ELF1: variants seen among roughly 807,000 people sequenced by gnomAD.
The protein encoded by ELF1 is ETS-related transcription factor Elf-1.
In ELF1, 24 loss-of-function variants were observed where a neutral mutation model predicts 59.9. The observed-to-expected ratio is 0.40, with a 90% CI of 0.29 to 0.56. ELF1 has a LOEUF of 0.56. Ranked by LOEUF, ELF1 falls within the 20% of genes least tolerant of loss-of-function variation. The pLI is 0.44. For synonymous variants in ELF1, 248 were observed against 266.2 expected, an observed-to-expected ratio of 0.93 and a Z score of 0.67; for missense variants, 627 against 742.2, an observed-to-expected ratio of 0.84 and a Z score of 1.80.
At chr13:40,993,569 CTCCTGGCCTCAAGT>C (rs991074246) in intron 1 of ELF1, among the ~76,000 whole-genome samples, 72 of 152,316 alleles carry the variant, frequency 4.7e-4, no homozygotes, top group African/African-American at 1.7e-3. Flanking sequence ...TGGCCTCAAA[CTCCTGGCCTCAAGT>C]GATCCTCCCG....
chr13:41,005,344 C>CT (rs1874678974), intron 1 of ELF1, among the ~76,000 whole-genome samples: 1 of 149,212 alleles, frequency 6.7e-6, no homozygotes, highest in Admixed American at 6.8e-5. Context: ...AACCAAGTGT[C>CT]TAAACAACAG....
intron 1 of ELF1, among the ~76,000 whole-genome samples, chr13:41,038,202 G>A (rs1876463351): frequency 6.6e-6 from 1 of 152,062 alleles, no homozygotes; most frequent in African/African-American, 2.4e-5. Flanking sequence ...AATAAAAATG[G>A]AATCAGGCCA....
chr13:41,046,309 G>A (rs897183304), intron 1 of ELF1, among the ~76,000 whole-genome samples: 9 of 152,182 alleles, frequency 5.9e-5, no homozygotes, highest in Non-Finnish European at 1.0e-4. Flanking sequence ...TGTTATGTGT[G>A]AATTTGATCC....
At chr13:40,959,352 T>A (rs1871664942) in intron 2 of ELF1, among the ~76,000 whole-genome samples, 2 of 151,844 alleles carry the variant, frequency 1.3e-5, no homozygotes, top group South Asian at 4.2e-4. Flanking sequence ...AAAAATTAGC[T>A]GGGCACGGTG....
At chr13:41,008,402 C>A (rs1874868212) in intron 1 of ELF1, among the ~76,000 whole-genome samples, 2 of 152,152 alleles carry the variant, frequency 1.3e-5, no homozygotes, top group South Asian at 2.1e-4. Flanking sequence ...AAGCTTTCAA[C>A]TGAAAATCAG....
intron 1 of ELF1, among the ~76,000 whole-genome samples, chr13:40,999,721 G>A (rs558329658): frequency 1.3e-5 from 2 of 152,272 alleles, no homozygotes; most frequent in South Asian, 2.1e-4. Flanking sequence ...CATCACCAAT[G>A]TGTATACTGC....
At position 40,941,214 on chromosome 13, in the gene ELF1, T is replaced by C; in HGVS notation, c.963A>G (p.Ser321=). 1 of 1,614,212 alleles carries C rather than the reference T, an allele frequency of 6.2e-7. No homozygotes were observed. Among genetic ancestry groups the C allele is most frequent in the Non-Finnish European group, 8.5e-7 (1 of 1,180,022 alleles). ...TCGACCGGCTGGTTTGATTCCTATT[T>C]GAAGTGGCTGATGAAGATAGCGATG... is the stretch of plus-strand genomic sequence containing the variant. The part of the protein sequence containing the change: ...SDPSLSSSAT[S]NRNQTSRSRV... Residue 321 remains serine, a synonymous_variant, in exon 8 of 9, where the codon TCA becomes TCG. Coordinates refer to ENST00000239882, the MANE Select transcript of ELF1 (RefSeq NM_172373.4).
intron 1 of ELF1, among the ~76,000 whole-genome samples, chr13:40,983,938 C>G (rs1234160977): frequency 6.6e-6 from 1 of 152,150 alleles, no homozygotes; most frequent in Admixed American, 6.5e-5. Context: ...ATTCAATGCT[C>G]AAGCCCCATT....
intron 2 of ELF1, among the ~76,000 whole-genome samples, chr13:40,964,749 G>A (rs903766235): frequency 1.3e-5 from 2 of 152,068 alleles, no homozygotes; most frequent in Admixed American, 1.3e-4. Context: ...TCCCCAGGCT[G>A]GTCTCGAACT....
intron 3 of ELF1, among the ~76,000 whole-genome samples, chr13:40,952,559 G>A (rs528180950): frequency 3.6e-4 from 54 of 151,926 alleles, no homozygotes; most frequent in African/African-American, 1.2e-3. Flanking sequence ...ACAGGGTCCC[G>A]CTATGTTGCT....
At chr13:40,941,510 AT>A in intron 7 of ELF1, 140 bp from the exon 8 acceptor site, 1 of 750,348 alleles carries the variant, frequency 1.3e-6, no homozygotes, top group Non-Finnish European at 2.1e-6. Context: ...AAGGGCTGTT[AT>A]TTTATATGAG....
At position 40,943,907 on chromosome 13, in the gene ELF1, G is replaced by A; in HGVS notation, c.548C>T (p.Pro183Leu). 6.2e-7 allele frequency: 1 copy of A among 1,613,538 alleles called. No individual in the cohort carries two copies. The highest frequency in any genetic ancestry group is 1.1e-5 in the South Asian group (1 of 91,024). ...CGTAGTGGCTGGGGAATCTGGTCGT[G>A]GTGGTTTAGTTTTTCTTCCTGAAAT... ...KRKKGRKTKPPRPDSPATTPN... is the reference protein window; with the variant it reads ...KRKKGRKTKPLRPDSPATTPN... The change falls in exon 6 of 9, where the codon CCA becomes CTA. Residue 183 changes from proline to leucine, a missense_variant. Around this residue, in one of 3 missense-constraint regions of ELF1, gnomAD observed 232 missense variants for 269.2 expected, o/e 0.86. Transcript: ENST00000239882.
chr13:40,939,299 C>G (rs1869984173), intron 8 of ELF1, among the ~76,000 whole-genome samples: 1 of 152,118 alleles, frequency 6.6e-6, no homozygotes, highest in African/African-American at 2.4e-5. Context: ...GGCAACAAAG[C>G]TAGCTAGACT....
chr13:40,936,450 T>C (rs902232108), intron 8 of ELF1, among the ~76,000 whole-genome samples: 5 of 152,138 alleles, frequency 3.3e-5, no homozygotes, highest in Admixed American at 3.3e-4. Context: ...CTGTTTAAAT[T>C]AGAAAAAGAT....
intron 1 of ELF1, among the ~76,000 whole-genome samples, chr13:40,999,009 T>C (rs1874266643): frequency 1.3e-5 from 2 of 152,178 alleles, no homozygotes. Context: ...AAAAAAAGAA[T>C]AGTTTAGTTA....
intron 1 of ELF1, among the ~76,000 whole-genome samples, chr13:41,058,462 A>G (rs1273410598): frequency 6.6e-6 from 1 of 152,210 alleles, no homozygotes; most frequent in African/African-American, 2.4e-5. Context: ...CTGTTACTCC[A>G]GTAGCACTTC....
chr13:41,057,572 T>C (rs1445118968), intron 1 of ELF1, among the ~76,000 whole-genome samples: 1 of 152,004 alleles, frequency 6.6e-6, no homozygotes, highest in African/African-American at 2.4e-5. Flanking sequence ...CCTGGCTAAT[T>C]TTTTGTATTT....
rs557688402 is a variant in ELF1, at chr13:40,990,203, T to G, written c.-228-7921A>C. Among the ~76,000 whole-genome samples the G allele has an allele frequency of 4.6e-5, 7 of 152,324 alleles. No homozygotes were observed. In the East Asian group the frequency reaches 1.3e-3, roughly 29 times the overall value. ...TCAGGTCTTTTACATTATTTCAATA[T>G]TCAGTGTTCATTGACTAGTGGAGGG... On this transcript the variant is annotated intron_variant, in intron 1 of 8. Coordinates refer to ENST00000239882, the MANE Select transcript of ELF1 (RefSeq NM_172373.4).
At chr13:41,029,758 T>A (rs912838783) in intron 1 of ELF1, among the ~76,000 whole-genome samples, 6 of 152,192 alleles carry the variant, frequency 3.9e-5, no homozygotes, top group Non-Finnish European at 8.8e-5. Context: ...ATCAATTGGC[T>A]AAGGACCTGG....
Sources: allele counts gnomAD v4.1 joint callset (sites outside exome capture counted in the v4.1 genomes callset), GRCh38; gene constraint gnomAD v4.1.1; regional missense constraint gnomAD v4.1.1; transcripts MANE v1.5; gene names NCBI Gene and HGNC (gene_info 2026-07-23, HGNC 2026-07-21).